Variants in ATF7IP2 observed in about 807,000 individuals in gnomAD.
ATF7IP2 encodes the protein activating transcription factor 7-interacting protein 2.
Under a neutral mutation model 64.2 loss-of-function variants are expected in ATF7IP2, and 42 were observed. That is an observed-to-expected ratio of 0.65 (90% CI 0.51 to 0.85). ATF7IP2 has a LOEUF of 0.85. Among genes scored for constraint, ATF7IP2 ranks in the 40% least tolerant of loss-of-function variants. The pLI is 0.00. For missense variants in ATF7IP2, 933 were observed against 784.2 expected, an observed-to-expected ratio of 1.19 and a Z score of -2.27; for synonymous variants, 308 against 272.8, an observed-to-expected ratio of 1.13 and a Z score of -1.27.
At chr16:10,450,781 G>A (rs1397362323) in intron 8 of ATF7IP2, among the ~76,000 whole-genome samples, 1 of 152,138 alleles carries the variant, frequency 6.6e-6, no homozygotes, top group East Asian at 1.9e-4. Context: ...TTGCCAGTCT[G>A]TGTCTTTTAA....
At chr16:10,470,851 ATATGTG>A (rs1331080371) in intron 9 of ATF7IP2, among the ~76,000 whole-genome samples, 2 of 145,952 alleles carry the variant, frequency 1.4e-5, no homozygotes, top group African/African-American at 2.7e-5. Context: ...GTGTGTATAT[ATATGTG>A]TGTGTGTGTG....
chr16:10,433,063 A>C (rs1038193297), intron 5 of ATF7IP2, among the ~76,000 whole-genome samples: 2 of 152,182 alleles, frequency 1.3e-5, no homozygotes, highest in South Asian at 4.1e-4. Flanking sequence ...TTTTTTTTCA[A>C]GGTTAGTTTG....
chr16:10,470,837 A>ATATG (rs1567173984), intron 9 of ATF7IP2, among the ~76,000 whole-genome samples: 2 of 137,242 alleles, frequency 1.5e-5, no homozygotes, highest in African/African-American at 6.3e-5. Context: ...ATATATATAT[A>ATATG]TGTGTGTGTA....
chr16:10,387,700 A>G (rs1354686319), intron 1 of ATF7IP2: 2 of 152,168 alleles, frequency 1.3e-5, no homozygotes, highest in Non-Finnish European at 2.9e-5. Context: ...AAAGTTTAAT[A>G]TATTGGATAG....
chr16:10,471,544 C>T lies in ATF7IP2; in HGVS notation c.1353-566C>T, dbSNP rs145518741. On this transcript the variant is annotated intron_variant, in intron 9 of 13. Coordinates refer to ENST00000562102, the MANE Select transcript of ATF7IP2 (RefSeq NM_001393719.1). ...ACTCCATCTCAAAAAACAAAAAAGT[C>T]GCTCATAAAAAAAAAGGGTCAAAAT... Among the ~76,000 whole-genome samples the T allele has an allele frequency of 7.9e-5, 12 of 151,410 alleles. No homozygotes were observed. The East Asian group carries it at 2.3e-3, about 29-fold the overall frequency.
chr16:10,438,265 T>A, intron 7 of ATF7IP2, 30 bp downstream of exon 7: 1 of 1,583,956 alleles, frequency 6.3e-7, no homozygotes, highest in Admixed American at 1.8e-5. Context: ...GAGTCTTTTT[T>A]AGGGGAGTAG....
chr16:10,428,721 A>T (rs535936690), intron 3 of ATF7IP2, 147 bp from the exon 4 acceptor site: 26 of 152,192 alleles, frequency 1.7e-4, no homozygotes, highest in African/African-American at 6.3e-4. Context: ...ATCAGGAAAA[A>T]ATTCCCAATT....
chr16:10,394,434 T>C (rs930762873), intron 1 of ATF7IP2, among the ~76,000 whole-genome samples: 4 of 152,138 alleles, frequency 2.6e-5, no homozygotes, highest in Admixed American at 2.0e-4. Flanking sequence ...TCAGTAATAA[T>C]TGGAGAATTC....
intron 2 of ATF7IP2, 143 bp from the exon 3 acceptor site, chr16:10,419,435 AGTG>A (rs2047948074): frequency 6.4e-6 from 1 of 155,976 alleles, no homozygotes; most frequent in South Asian, 2.0e-4. Context: ...AGGCCATAGA[AGTG>A]GTGGAAAAGG....
At chr16:10,438,840 G>A (rs893636916) in intron 7 of ATF7IP2, among the ~76,000 whole-genome samples, 2 of 152,064 alleles carry the variant, frequency 1.3e-5, no homozygotes, top group African/African-American at 4.8e-5. Context: ...GGATCACAAG[G>A]TCAAGAGATC....
rs371521210 is a variant in ATF7IP2, at chr16:10,431,264, G to A, written c.644G>A (p.Ser215Asn). 26 of 1,614,028 alleles carry A rather than the reference G, an allele frequency of 1.6e-5. No homozygotes were observed. In the African/African-American group the frequency reaches 3.5e-4, roughly 22 times the overall value. ...SNSESHDKRQ[S>N]DNILCSEDSG... ...TCAGAATCACATGATAAAAGGCAAAGTGACAACATTTTATGTTCAGAAGAC... is the reference window on the plus strand; with the variant it reads ...TCAGAATCACATGATAAAAGGCAAAATGACAACATTTTATGTTCAGAAGAC... Residue 215 changes from serine to asparagine, a missense_variant, in exon 5 of 14, where the codon AGT becomes AAT. Ser to Asn is a conservative substitution (Grantham distance 46). Coordinates refer to ENST00000562102, the MANE Select transcript of ATF7IP2 (RefSeq NM_001393719.1).
intron 1 of ATF7IP2, among the ~76,000 whole-genome samples, chr16:10,389,371 A>G (rs1315307542): frequency 6.6e-6 from 1 of 152,198 alleles, no homozygotes; most frequent in Non-Finnish European, 1.5e-5. Context: ...AGGAGGGCAG[A>G]CCACAGTGCT....
intron 8 of ATF7IP2, chr16:10,445,916 C>G (rs990243615): frequency 6.6e-6 from 1 of 152,194 alleles, no homozygotes; most frequent in African/African-American, 2.4e-5. Flanking sequence ...GTGAGCTACC[C>G]TGAAAGCATA....
In ATF7IP2 at chr16:10,442,351, T is replaced by G. The variant is rs57795534; in HGVS notation, c.1194+1889T>G. On this transcript the variant is annotated intron_variant, in intron 8 of 13. Transcript: ENST00000562102. Reference sequence around the variant, plus strand: ...CTAACATGTCTTGACTTTGCTGTTCTTCTTGATTTTCTAGCAGTAAAAGCT... The same window carrying G: ...CTAACATGTCTTGACTTTGCTGTTCGTCTTGATTTTCTAGCAGTAAAAGCT... Among the ~76,000 whole-genome samples the G allele has an allele frequency of 2.1e-3, 322 of 152,384 alleles. 1 individual carries two copies. The highest frequency in any genetic ancestry group is 7.5e-3 in the African/African-American group (313 of 41,596).
intron 9 of ATF7IP2, among the ~76,000 whole-genome samples, chr16:10,461,379 T>C (rs2049370630): frequency 6.6e-6 from 1 of 152,164 alleles, no homozygotes; most frequent in Non-Finnish European, 1.5e-5. Flanking sequence ...CATGTTGATA[T>C]GCCATAGAAT....
intron 8 of ATF7IP2, among the ~76,000 whole-genome samples, chr16:10,452,666 A>C: frequency 6.6e-6 from 1 of 152,172 alleles, no homozygotes; most frequent in East Asian, 1.9e-4. Context: ...TGCTCTCTTC[A>C]GAGTCCTGTC....
chr16:10,440,088 A>G (rs2048561682), intron 7 of ATF7IP2, among the ~76,000 whole-genome samples: 1 of 151,984 alleles, frequency 6.6e-6, no homozygotes, highest in Non-Finnish European at 1.5e-5. Context: ...TGAACCCGGG[A>G]GGCAGAGGTT....
chr16:10,431,758 A>G (rs962101283), intron 5 of ATF7IP2, among the ~76,000 whole-genome samples: 2 of 151,198 alleles, frequency 1.3e-5, no homozygotes, highest in African/African-American at 2.4e-5. Context: ...TTGAAGTTTT[A>G]TTAGATTAAG....
intron 9 of ATF7IP2, among the ~76,000 whole-genome samples, chr16:10,467,385 T>C (rs1357330547): frequency 6.6e-6 from 1 of 152,174 alleles, no homozygotes; most frequent in African/African-American, 2.4e-5. Flanking sequence ...GATTTTGAAA[T>C]TGATAAAGTA....
Sources: gnomAD v4.1 joint callset for allele counts (sites outside exome capture counted in the v4.1 genomes callset) on GRCh38, gnomAD v4.1.1 for gene constraint, MANE v1.5 for transcripts, NCBI Gene and HGNC (gene_info 2026-07-23, HGNC 2026-07-21) for gene names.